Variants in TRPC4 observed in about 807,000 individuals in gnomAD.
The protein encoded by TRPC4 is short transient receptor potential channel 4.
In TRPC4, 49 loss-of-function variants were observed where a neutral mutation model predicts 99.4. The observed-to-expected ratio is 0.49, with a 90% CI of 0.39 to 0.63. The LOEUF is 0.63. TRPC4 is among the 20% of genes least tolerant of loss of function. The probability of loss-of-function intolerance (pLI) is 0.00; values close to 1 mark genes in which losing one functional copy is unlikely to be tolerated. For synonymous variants in TRPC4, 454 were observed against 425.9 expected, an observed-to-expected ratio of 1.07 and a Z score of -0.81; for missense variants, 898 against 1,152.9, an observed-to-expected ratio of 0.78 and a Z score of 3.20.
chr13:37,697,992 T>C (rs1054761531), intron 3 of TRPC4, among the ~76,000 whole-genome samples: 4 of 151,740 alleles, frequency 2.6e-5, no homozygotes, highest in African/African-American at 4.8e-5. Flanking sequence ...CATGAGTTCT[T>C]GAGTGATAGG....
At chr13:37,736,711 G>T (rs575772249) in intron 3 of TRPC4, among the ~76,000 whole-genome samples, 1 of 151,900 alleles carries the variant, frequency 6.6e-6, no homozygotes, top group East Asian at 1.9e-4. Flanking sequence ...TATACCAATA[G>T]ACTTAAGAAA....
intron 1 of TRPC4, among the ~76,000 whole-genome samples, chr13:37,850,677 T>C (rs561605918): frequency 2.6e-5 from 4 of 152,316 alleles, no homozygotes; most frequent in Non-Finnish European, 5.9e-5. Context: ...TTAAATTATA[T>C]GTAGTGAATT....
At chr13:37,799,847 CA>C (rs1359383950) in intron 1 of TRPC4, among the ~76,000 whole-genome samples, 1 of 152,078 alleles carries the variant, frequency 6.6e-6, no homozygotes, top group Non-Finnish European at 1.5e-5. Context: ...TCAAAACTGA[CA>C]ATGAAAAAAT....
At chr13:37,678,515 G>A (rs950619287) in intron 4 of TRPC4, among the ~76,000 whole-genome samples, 1 of 151,964 alleles carries the variant, frequency 6.6e-6, no homozygotes, top group Admixed American at 6.6e-5. Flanking sequence ...ACTTAAATGA[G>A]CTTTTTTCCC....
At chr13:37,844,486 G>T (rs1253539775) in intron 1 of TRPC4, among the ~76,000 whole-genome samples, 1 of 151,966 alleles carries the variant, frequency 6.6e-6, no homozygotes, top group Non-Finnish European at 1.5e-5. Context: ...GTATAGGCAG[G>T]GTTTTGCCAT....
chr13:37,754,387 T>C (rs1956041616), intron 2 of TRPC4, among the ~76,000 whole-genome samples: 1 of 152,256 alleles, frequency 6.6e-6, no homozygotes, highest in South Asian at 2.1e-4. Flanking sequence ...TATAAAGTTT[T>C]CCATCTAGCA....
chr13:37,783,879 G>T (rs1001147589), intron 1 of TRPC4, among the ~76,000 whole-genome samples: 3 of 151,266 alleles, frequency 2.0e-5, no homozygotes, highest in Admixed American at 6.6e-5. Flanking sequence ...GTTTTGTTTT[G>T]TTTTTTTTGG....
At chr13:37,650,235 A>G (rs967575362) in intron 8 of TRPC4, among the ~76,000 whole-genome samples, 27 of 152,306 alleles carry the variant, frequency 1.8e-4, no homozygotes, top group Non-Finnish European at 3.2e-4. Context: ...TTTATTTTTA[A>G]TTAATCTCTA....
chr13:37,673,090 C>A (rs1429942159), intron 5 of TRPC4, among the ~76,000 whole-genome samples: 2 of 110,706 alleles, frequency 1.8e-5, no homozygotes, highest in African/African-American at 6.8e-5. Flanking sequence ...TGCTATCCCT[C>A]CCCCCTCCCC....
chr13:37,688,973 G>A (rs770852818), intron 4 of TRPC4, among the ~76,000 whole-genome samples: 51 of 152,168 alleles, frequency 3.4e-4, no homozygotes, highest in Non-Finnish European at 5.9e-4. Context: ...CAGGACAAGA[G>A]AATAGAGGAT....
chr13:37,838,193 A>G (rs1467785955), intron 1 of TRPC4, among the ~76,000 whole-genome samples: 1 of 152,192 alleles, frequency 6.6e-6, no homozygotes, highest in Non-Finnish European at 1.5e-5. Context: ...CTTCTTATCC[A>G]ACCACATGGA....
rs7985458 is a variant in TRPC4, at chr13:37,632,525, G to A, written c.*4378C>T. Among the ~76,000 whole-genome samples, 44,393 of 151,872 alleles carry A rather than the reference G, an allele frequency of 0.29. 6,928 individuals are homozygous for A. The highest frequency in any genetic ancestry group is 0.35 in the Non-Finnish European group (23,948 of 67,904). On this transcript the variant is annotated 3_prime_UTR_variant, in exon 11 of 11. Transcript: ENST00000379705. ...TACGTTACTGAACAGTGCAGCTCTAGAGGAAATTAACGGTTTTGCTACTGG... is the reference window on the plus strand; with the variant it reads ...TACGTTACTGAACAGTGCAGCTCTAAAGGAAATTAACGGTTTTGCTACTGG...
intron 3 of TRPC4, among the ~76,000 whole-genome samples, chr13:37,708,133 C>A (rs771880712): frequency 1.3e-5 from 2 of 152,112 alleles, no homozygotes; most frequent in African/African-American, 4.8e-5. Context: ...GAATTAAAAT[C>A]TTAGCAATAA....
chr13:37,866,746 A>G (rs1159215821), intron 1 of TRPC4, among the ~76,000 whole-genome samples: 1 of 149,634 alleles, frequency 6.7e-6, no homozygotes, highest in Non-Finnish European at 1.5e-5. Context: ...AAACATGAGT[A>G]GTGAGATAGT....
In TRPC4 at chr13:37,748,966, A is replaced by G. The variant is rs369515021; in HGVS notation, c.379-2511T>C. Among the ~76,000 whole-genome samples, 32 of 152,244 alleles carry G rather than the reference A, an allele frequency of 2.1e-4. No individual in the cohort carries two copies. In the South Asian group the frequency reaches 5.8e-3, roughly 28 times the overall value. ...GGTTTGGCTTTGTGTCCTCACCCAA[A>G]TCTCATCTTGAATTGTACTCCTCAT... On this transcript the variant is annotated intron_variant, in intron 2 of 10. Coordinates refer to ENST00000379705, the MANE Select transcript of TRPC4 (RefSeq NM_016179.4).
chr13:37,822,926 G>A (rs1958058764), intron 1 of TRPC4, among the ~76,000 whole-genome samples: 2 of 148,104 alleles, frequency 1.4e-5, no homozygotes, highest in East Asian at 2.0e-4. Flanking sequence ...ATCCTCTCCA[G>A]CACCTGTTGT....
At chr13:37,802,153 A>G (rs1593776883) in intron 1 of TRPC4, among the ~76,000 whole-genome samples, 1 of 152,270 alleles carries the variant, frequency 6.6e-6, no homozygotes, top group African/African-American at 2.4e-5. Context: ...AACTGTTGCA[A>G]AAACCATACA....
rs1183338729 is a variant in TRPC4, at chr13:37,663,636, G to C, written c.1468C>G (p.Leu490Val). The C allele has an allele frequency of 6.2e-7, 1 of 1,614,068 alleles. No homozygotes were observed. The highest frequency in any genetic ancestry group is 1.3e-5 in the African/African-American group (1 of 74,934). The change falls in exon 6 of 11, where the codon CTG (leucine) becomes GTG (valine). Residue 490 changes from leucine to valine, a missense_variant. Leu to Val is a conservative substitution (Grantham distance 32, BLOSUM62 1). Around this residue, in one of 3 missense-constraint regions of TRPC4, gnomAD observed 274 missense variants for 454.9 expected, o/e 0.60. Transcript: ENST00000379705. ...LFAIANIFSS[L>V]RLISLFTANS... ...GCAGTAAACAGTGAGATCAGACGCAGAGAACTGAAGATGTTTGCAATAGCA... is the reference window on the plus strand; with the variant it reads ...GCAGTAAACAGTGAGATCAGACGCACAGAACTGAAGATGTTTGCAATAGCA...
intron 5 of TRPC4, among the ~76,000 whole-genome samples, chr13:37,673,649 A>AT (rs1183595763): frequency 6.6e-6 from 1 of 152,182 alleles, no homozygotes; most frequent in Non-Finnish European, 1.5e-5. Context: ...TTTTATGCAA[A>AT]TTATGAGGTT....
Sources: allele counts gnomAD v4.1 joint callset (sites outside exome capture counted in the v4.1 genomes callset), GRCh38; gene constraint gnomAD v4.1.1; regional missense constraint gnomAD v4.1.1; transcripts MANE v1.5; gene names NCBI Gene and HGNC (gene_info 2026-07-23, HGNC 2026-07-21).